Variants in ELP2 observed in about 807,000 individuals in gnomAD.
ELP2 encodes the protein elongator complex protein 2.
Under a neutral mutation model 119.2 loss-of-function variants are expected in ELP2, and 90 were observed. The ratio of observed to expected loss-of-function variants is 0.75; its 90% CI spans 0.64 to 0.90. The LOEUF (loss-of-function observed/expected upper bound fraction) is 0.90. ELP2 is among the 40% of genes least tolerant of loss of function. The pLI, the probability that ELP2 is intolerant of heterozygous loss-of-function variation, is 0.00. For synonymous variants in ELP2, 339 were observed against 331.0 expected, an observed-to-expected ratio of 1.02 and a Z score of -0.26; for missense variants, 921 against 967.8, an observed-to-expected ratio of 0.95 and a Z score of 0.64.
chr18:36,133,735 T>A (rs917681958), intron 2 of ELP2, among the ~76,000 whole-genome samples: 1 of 42,778 alleles, frequency 2.3e-5, no homozygotes, highest in Admixed American at 2.1e-4. Flanking sequence ...TTTATTTATT[T>A]ATTTTTTTTT....
intron 1 of ELP2, among the ~76,000 whole-genome samples, chr18:36,130,893 G>C (rs1333294310): frequency 2.6e-5 from 4 of 152,172 alleles, no homozygotes; most frequent in Non-Finnish European, 5.9e-5. Context: ...TATTGGCCAG[G>C]AGCGTGTCTC....
chr18:36,144,734 G>GA (rs2090144396), intron 8 of ELP2, among the ~76,000 whole-genome samples: 1 of 152,128 alleles, frequency 6.6e-6, no homozygotes, highest in South Asian at 2.1e-4. Context: ...AGAATATAAG[G>GA]AAAAATGTAT....
intron 18 of ELP2, 192 bp from the exon 19 acceptor site, chr18:36,166,909 T>A (rs999151147): frequency 7.2e-6 from 3 of 418,216 alleles, no homozygotes; most frequent in Admixed American, 4.0e-5. Flanking sequence ...AAGCATTCCC[T>A]ACTAGAAAAA....
chr18:36,130,071 G>A lies in ELP2; in HGVS notation c.138G>A (p.Leu46=). The A allele has an allele frequency of 6.2e-7, 1 of 1,614,162 alleles. No homozygotes were observed. The highest frequency in any genetic ancestry group is 8.5e-7 in the Non-Finnish European group (1 of 1,180,030). ...GCTCCGTGGTGCTCTATGACCCCCT[G>A]GTAAGAGAGGTCGCTGGACGGCCGA... The part of the protein sequence containing the change: ...TSCSVVLYDP[L]KRVVVTNLNG... Residue 46 remains leucine (L), a splice_region_variant and synonymous_variant, in exon 1 of 22, where the codon CTG becomes CTA. Transcript: ENST00000358232.
Position 36,159,967 on chromosome 18 carries a change from C to T in ELP2, c.1640C>T (p.Thr547Ile). The T allele has an allele frequency of 6.2e-7, 1 of 1,614,108 alleles. No individual in the cohort carries two copies. Among genetic ancestry groups the T allele is most frequent in the South Asian group, 1.1e-5 (1 of 91,086 alleles). The stretch of plus-strand genomic sequence containing the variant: ...CTTCAATTTATTCTAGAGCCTCCCA[C>T]TGAGGATCATCTTCTGCAGAATACT... ...FQPSILTEPP[T>I]EDHLLQNTLW... Residue 547 changes from threonine to isoleucine, a missense_variant, in exon 16 of 22, where the codon ACT (threonine) becomes ATT (isoleucine). Transcript: ENST00000358232.
chr18:36,161,729 TG>T (rs542651028), intron 17 of ELP2, among the ~76,000 whole-genome samples: 139 of 152,344 alleles, frequency 9.1e-4, no homozygotes, highest in African/African-American at 3.2e-3. Flanking sequence ...CCCACCTGCA[TG>T]GGCTTGTGTC....
At chr18:36,156,028 T>C (rs1171852985) in intron 12 of ELP2, among the ~76,000 whole-genome samples, 2 of 152,226 alleles carry the variant, frequency 1.3e-5, no homozygotes, top group Non-Finnish European at 2.9e-5. Context: ...TTGCTAAGTG[T>C]TGGCCCTGAG....
intron 21 of ELP2, among the ~76,000 whole-genome samples, chr18:36,173,717 G>A (rs562280774): frequency 3.9e-5 from 6 of 152,312 alleles, no homozygotes; most frequent in Admixed American, 2.0e-4. Flanking sequence ...AAATGAAAGT[G>A]TAATGTGTGT....
chr18:36,131,930 CTTTTTTTTTT>C lies in ELP2; in HGVS notation c.139-1294_139-1285del, dbSNP rs5823996. Among the ~76,000 whole-genome samples the C allele has an allele frequency of 3.2e-3, 258 of 79,916 alleles. 2 individuals are homozygous for C. In the South Asian group the frequency reaches 0.037, roughly 11 times the overall value. The allele number at this position is 79,916 out of a possible 152,430, so 52.4% of individuals were successfully genotyped here. Reference sequence around the variant, plus strand: ...TCCTGTTAAATATTTGCTGGTCGGGCTTTTTTTTTTTTTTTTTTTTTTTGGAGTGTAGTGA... The same window carrying C: ...TCCTGTTAAATATTTGCTGGTCGGGCTTTTTTTTTTTTTGGAGTGTAGTGA... On this transcript the variant is annotated intron_variant, in intron 1 of 21. Coordinates refer to ENST00000358232, the MANE Select transcript of ELP2 (RefSeq NM_018255.4).
intron 13 of ELP2, 51 bp downstream of exon 13, chr18:36,156,705 T>C (rs771966504): frequency 2.6e-6 from 4 of 1,540,332 alleles, no homozygotes; most frequent in Non-Finnish European, 3.6e-6. Context: ...TCATTTTAAA[T>C]TTAAAAGGAT....
intron 6 of ELP2, 185 bp downstream of exon 6, chr18:36,141,386 C>T (rs181376886): frequency 1.6e-6 from 1 of 610,980 alleles, no homozygotes; most frequent in Admixed American, 2.4e-5. Flanking sequence ...TAACCGCTGC[C>T]TTGACCATCA....
chr18:36,169,223 G>T (rs1039838124), intron 19 of ELP2, among the ~76,000 whole-genome samples: 2 of 151,974 alleles, frequency 1.3e-5, no homozygotes, highest in Non-Finnish European at 2.9e-5. Flanking sequence ...ACCACGCTCA[G>T]CCTGCTCTCC....
intron 19 of ELP2, among the ~76,000 whole-genome samples, chr18:36,168,919 T>A: frequency 1.9e-5 from 1 of 53,132 alleles, no homozygotes; most frequent in Admixed American, 2.6e-4. Context: ...ATTTCTTTTT[T>A]TTTTTTTTTT....
At chr18:36,136,063 T>C (rs1002651770) in intron 2 of ELP2, among the ~76,000 whole-genome samples, 5 of 152,182 alleles carry the variant, frequency 3.3e-5, no homozygotes, top group African/African-American at 9.7e-5. Context: ...TTAGGAGATA[T>C]ATGGTCTTTG....
intron 3 of ELP2, 56 bp downstream of exon 3, chr18:36,136,433 A>G (rs2089828400): frequency 1.4e-6 from 2 of 1,413,624 alleles, no homozygotes; most frequent in South Asian, 1.1e-5. Context: ...TTGTTTTTTA[A>G]GAGGTAGAGT....
intron 11 of ELP2, among the ~76,000 whole-genome samples, chr18:36,146,707 A>G (rs919840682): frequency 1.3e-5 from 2 of 152,154 alleles, no homozygotes; most frequent in Admixed American, 1.3e-4. Flanking sequence ...AATGTCAGTC[A>G]TTTATTGTGA....
rs116121660 is a variant in ELP2 at position 36,160,803 on chromosome 18, A to T, written c.1689-129A>T. 101 of 677,030 alleles carry T rather than the reference A, an allele frequency of 1.5e-4. No homozygotes were observed. The African/African-American group carries it at 1.6e-3, about 11-fold the overall frequency. The allele number at this position is 677,030 out of a possible 1,614,324, so 41.9% of individuals were successfully genotyped here. ...CTCTCAAATGTTTGCCTAGACAAAC[A>T]TACAATGTTCCTTAAAAGAATTGTA... On this transcript the variant is annotated intron_variant, in intron 16 of 21. Transcript: ENST00000358232.
intron 11 of ELP2, among the ~76,000 whole-genome samples, chr18:36,153,617 C>G (rs927637884): frequency 6.6e-6 from 1 of 152,192 alleles, no homozygotes; most frequent in African/African-American, 2.4e-5. Flanking sequence ...CCCCAGCAGT[C>G]ACAGTCCAGG....
intron 21 of ELP2, among the ~76,000 whole-genome samples, chr18:36,173,956 G>A (rs983912065): frequency 9.8e-5 from 15 of 152,304 alleles, no homozygotes; most frequent in Non-Finnish European, 1.3e-4. Context: ...CCAAGGTCAC[G>A]CAGTTAGAGG....
Sources: allele counts gnomAD v4.1 joint callset (sites outside exome capture counted in the v4.1 genomes callset), GRCh38; gene constraint gnomAD v4.1.1; transcripts MANE v1.5; gene names NCBI Gene and HGNC (gene_info 2026-07-23, HGNC 2026-07-21).